Variants in JARID2 observed in about 807,000 individuals in gnomAD.
The protein encoded by JARID2 is jumonji and AT-rich interaction domain containing 2.
JARID2 carries 21 observed loss-of-function variants against 125.6 expected under a neutral mutation model. The ratio of observed to expected loss-of-function variants is 0.17; its 90% CI spans 0.12 to 0.24. The LOEUF (loss-of-function observed/expected upper bound fraction) is 0.24, where lower values mean the gene tolerates loss of function less well. JARID2 is among the 10% of genes least tolerant of loss of function. The probability of loss-of-function intolerance (pLI) is 1.00; values close to 1 mark genes in which losing one functional copy is unlikely to be tolerated. For missense variants in JARID2, 1,303 were observed against 1,639.6 expected (o/e 0.79, Z 3.55); for synonymous variants, 736 against 661.6 (o/e 1.11, Z -1.73).
intron 1 of JARID2, among the ~76,000 whole-genome samples, chr6:15,249,975 C>T (rs530999617): frequency 1.3e-5 from 2 of 152,308 alleles, no homozygotes; most frequent in South Asian, 4.1e-4. Context: ...CATCATTCCA[C>T]TGCCTGGTTA....
At chr6:15,505,377 C>T (rs1230490252) in intron 9 of JARID2, 2 of 147,428 alleles carry the variant, frequency 1.4e-5, no homozygotes, top group Non-Finnish European at 3.0e-5. Context: ...CCCTTAATGC[C>T]ACCTGTTTCA....
At chr6:15,365,757 A>C (rs1702006524) in intron 1 of JARID2, among the ~76,000 whole-genome samples, 1 of 152,096 alleles carries the variant, frequency 6.6e-6, no homozygotes, top group South Asian at 2.1e-4. Context: ...TGTCTGAAGA[A>C]ATTTGCTGCT....
At chr6:15,341,815 CAT>C (rs1763079016) in intron 1 of JARID2, among the ~76,000 whole-genome samples, 1 of 152,142 alleles carries the variant, frequency 6.6e-6, no homozygotes, top group Non-Finnish European at 1.5e-5. Context: ...AATGAAATGA[CAT>C]AGTTTAATAT....
intron 4 of JARID2, among the ~76,000 whole-genome samples, chr6:15,458,285 G>A (rs1306669260): frequency 6.6e-6 from 1 of 152,052 alleles, no homozygotes; most frequent in African/African-American, 2.4e-5. Flanking sequence ...TCCTCTTTAC[G>A]GGGCACTGCA....
intron 2 of JARID2, among the ~76,000 whole-genome samples, chr6:15,402,172 G>T (rs1024092872): frequency 6.6e-6 from 1 of 152,162 alleles, no homozygotes; most frequent in Non-Finnish European, 1.5e-5. Flanking sequence ...GTGTCAGTCA[G>T]GACACAAAGT....
chr6:15,446,887 T>C (rs998303329), intron 3 of JARID2, among the ~76,000 whole-genome samples: 5 of 152,180 alleles, frequency 3.3e-5, no homozygotes, highest in Non-Finnish European at 7.4e-5. Flanking sequence ...AGCTCTCACA[T>C]AGGGACCCAT....
intron 2 of JARID2, among the ~76,000 whole-genome samples, chr6:15,375,834 C>G (rs1430316463): frequency 1.3e-5 from 2 of 152,198 alleles, no homozygotes; most frequent in Non-Finnish European, 2.9e-5. Context: ...TCTCACTGTA[C>G]TGTTCAGGAA....
chr6:15,334,753 A>G (rs1762823733), intron 1 of JARID2, among the ~76,000 whole-genome samples: 1 of 152,204 alleles, frequency 6.6e-6, no homozygotes, highest in Admixed American at 6.5e-5. Context: ...GCCTTTTGAA[A>G]TTCTACACAA....
At position 15,511,457 on chromosome 6, in the gene JARID2, G is replaced by A. The variant is rs555739357; in HGVS notation, c.2952+56G>A. On this transcript the variant is annotated intron_variant, in intron 13 of 17. Coordinates refer to ENST00000341776, the MANE Select transcript of JARID2 (RefSeq NM_004973.4). Reference sequence around the variant, plus strand: ...GAGCTGTAGGACCTCCTAGGCACTTGAACATGGTTTCCCATGAACCCGCCT... The same window carrying A: ...GAGCTGTAGGACCTCCTAGGCACTTAAACATGGTTTCCCATGAACCCGCCT... The A allele has an allele frequency of 6.6e-5, 78 of 1,189,152 alleles. No individual in the cohort carries two copies. In the South Asian group the frequency reaches 7.9e-4, roughly 12 times the overall value. The allele number at this position is 1,189,152 out of a possible 1,614,324, so 73.7% of individuals were successfully genotyped here. A position where few individuals can be genotyped will look rare whatever the true frequency, so the allele number is the denominator to read the frequency against.
intron 2 of JARID2, among the ~76,000 whole-genome samples, chr6:15,405,700 C>T (rs1044988485): frequency 4.6e-5 from 7 of 152,040 alleles, no homozygotes; most frequent in African/African-American, 9.7e-5. Flanking sequence ...AAAATAAAAA[C>T]GGTTTGAGTG....
chr6:15,247,163 A>T (rs1484465434), intron 1 of JARID2, among the ~76,000 whole-genome samples: 3 of 152,202 alleles, frequency 2.0e-5, no homozygotes, highest in Admixed American at 1.3e-4. Context: ...GATTGACTTT[A>T]ATAATGAGGC....
At chr6:15,397,074 G>A (rs1039987080) in intron 2 of JARID2, among the ~76,000 whole-genome samples, 1 of 152,194 alleles carries the variant, frequency 6.6e-6, no homozygotes, top group African/African-American at 2.4e-5. Context: ...CAGACTGTGT[G>A]TGTACCTAAT....
Position 15,310,699 on chromosome 6 carries a change from G to A in JARID2, c.46-63418G>A, listed in dbSNP as rs117205850. Among the ~76,000 whole-genome samples, 391 of 152,330 alleles carry A rather than the reference G, an allele frequency of 2.6e-3. 1 individual carries two copies. Among genetic ancestry groups the A allele is most frequent in the East Asian group, 6.2e-3 (32 of 5,194 alleles). ...TGTTCTGAGATCTTCCAGGAGATGG[G>A]ATTTCAATCTCCAGAATTCCCATCC... On this transcript the variant is annotated intron_variant, in intron 1 of 17. Transcript: ENST00000341776.
intron 3 of JARID2, among the ~76,000 whole-genome samples, chr6:15,418,303 C>T (rs373290340): frequency 2.6e-5 from 4 of 151,366 alleles, no homozygotes; most frequent in African/African-American, 4.9e-5. Context: ...CTGCACCCTC[C>T]GCCCTCCCGA....
At chr6:15,394,630 C>G (rs1440809061) in intron 2 of JARID2, among the ~76,000 whole-genome samples, 3 of 126,134 alleles carry the variant, frequency 2.4e-5, no homozygotes, top group Non-Finnish European at 5.7e-5. Flanking sequence ...AAGACTAAAT[C>G]TTCTTCTTGA....
intron 5 of JARID2, 39 bp downstream of exon 5, chr6:15,468,757 A>G: frequency 6.3e-7 from 1 of 1,580,378 alleles, no homozygotes; most frequent in Non-Finnish European, 8.6e-7. Flanking sequence ...AAAAATCTAA[A>G]GCTTTGGGTG....
chr6:15,289,071 G>C (rs527501094), intron 1 of JARID2, among the ~76,000 whole-genome samples: 1 of 152,180 alleles, frequency 6.6e-6, no homozygotes, highest in East Asian at 1.9e-4. Context: ...GAATGATCTT[G>C]ATTGGGGTTG....
chr6:15,282,587 C>G (rs869033060), intron 1 of JARID2, among the ~76,000 whole-genome samples: 2 of 149,820 alleles, frequency 1.3e-5, no homozygotes, highest in South Asian at 4.4e-4. Flanking sequence ...GTCTCTCCCC[C>G]TCTCCTCTCT....
intron 1 of JARID2, among the ~76,000 whole-genome samples, chr6:15,292,103 G>A (rs1019901546): frequency 6.6e-6 from 1 of 151,842 alleles, no homozygotes; most frequent in African/African-American, 2.4e-5. Flanking sequence ...TGCAAGCTTC[G>A]CCTCCCGGGT....
Sources: allele counts gnomAD v4.1 joint callset (sites outside exome capture counted in the v4.1 genomes callset), GRCh38; gene constraint gnomAD v4.1.1; transcripts MANE v1.5; gene names NCBI Gene and HGNC (gene_info 2026-07-23, HGNC 2026-07-21).